Variants in PRKCA observed in about 807,000 individuals in gnomAD.
The protein encoded by PRKCA is protein kinase C alpha type.
In PRKCA, 27 loss-of-function variants were observed where a neutral mutation model predicts 87.0. The observed-to-expected ratio is 0.31, with a 90% CI of 0.23 to 0.43. The LOEUF (loss-of-function observed/expected upper bound fraction) is 0.43, where lower values mean the gene tolerates loss of function less well. Among genes scored for constraint, PRKCA ranks in the 20% least tolerant of loss-of-function variants. The pLI, the probability that PRKCA is intolerant of heterozygous loss-of-function variation, is 1.00. For synonymous variants in PRKCA, 329 were observed against 311.1 expected (o/e 1.06, Z -0.61); for missense variants, 518 against 852.3 (o/e 0.61, Z 4.88).
chr17:66,491,809 G>C (rs1916257725), intron 2 of PRKCA, among the ~76,000 whole-genome samples: 1 of 152,204 alleles, frequency 6.6e-6, no homozygotes, highest in African/African-American at 2.4e-5. Flanking sequence ...AATTTAGTTT[G>C]GAACTTGGAC....
chr17:66,515,009 A>C (rs1966919049), intron 3 of PRKCA, among the ~76,000 whole-genome samples: 1 of 152,114 alleles, frequency 6.6e-6, no homozygotes, highest in Non-Finnish European at 1.5e-5. Context: ...TAATCCCAGC[A>C]CTTTGGGAGG....
chr17:66,586,141 T>G (rs1969589590), intron 3 of PRKCA, among the ~76,000 whole-genome samples: 1 of 152,180 alleles, frequency 6.6e-6, no homozygotes, highest in African/African-American at 2.4e-5. Flanking sequence ...GTTGCTATGG[T>G]TGCCATTGCT....
chr17:66,641,676 A>G (rs1317775810), intron 4 of PRKCA, among the ~76,000 whole-genome samples: 1 of 151,978 alleles, frequency 6.6e-6, no homozygotes, highest in Non-Finnish European at 1.5e-5. Flanking sequence ...TGAACCCCCA[A>G]AAAGCACTCG....
chr17:66,773,590 G>A (rs1484570358), intron 13 of PRKCA, among the ~76,000 whole-genome samples: 2 of 149,904 alleles, frequency 1.3e-5, no homozygotes, highest in Non-Finnish European at 3.0e-5. Flanking sequence ...CTGGACTCAA[G>A]CAATCTTCCT....
Position 66,700,057 on chromosome 17 carries a change from C to T in PRKCA, c.918+11010C>T, listed in dbSNP as rs553218597. Among the ~76,000 whole-genome samples the T allele has an allele frequency of 3.3e-5, 5 of 152,334 alleles. No homozygotes were observed. The South Asian group carries it at 1.0e-3, about 32-fold the overall frequency. ...CAATGAACAGAGATGCAAAAATTCTCAACAAAATACTATCAAACCAAATTC... is the reference window on the plus strand; with the variant it reads ...CAATGAACAGAGATGCAAAAATTCTTAACAAAATACTATCAAACCAAATTC... On this transcript the variant is annotated intron_variant, in intron 8 of 16. Coordinates refer to ENST00000413366, the MANE Select transcript of PRKCA (RefSeq NM_002737.3).
At chr17:66,775,026 T>C in intron 14 of PRKCA, 2 of 985,444 alleles carry the variant, frequency 2.0e-6, no homozygotes, top group South Asian at 9.4e-5. Context: ...CTGCCACTTC[T>C]AGGCCTGGCC....
At chr17:66,396,983 T>G (rs1474409343) in intron 2 of PRKCA, among the ~76,000 whole-genome samples, 1 of 135,236 alleles carries the variant, frequency 7.4e-6, no homozygotes, top group Non-Finnish European at 1.6e-5. Context: ...TTTTTTTTTT[T>G]GAGACAGAGT....
At chr17:66,437,429 G>A (rs1913456112) in intron 2 of PRKCA, among the ~76,000 whole-genome samples, 1 of 152,098 alleles carries the variant, frequency 6.6e-6, no homozygotes, top group Non-Finnish European at 1.5e-5. Flanking sequence ...TATTCATACT[G>A]CTTCTAAGCA....
chr17:66,490,494 C>T (rs1002978967), intron 2 of PRKCA, among the ~76,000 whole-genome samples: 3 of 152,078 alleles, frequency 2.0e-5, no homozygotes, highest in Non-Finnish European at 4.4e-5. Flanking sequence ...CAGGTGCCCA[C>T]CACCATGCCC....
Position 66,687,180 on chromosome 17 carries a change from TTATTCC to T in PRKCA, c.601_606del (p.Ile201_Pro202del). 1 of 1,614,082 alleles carries T rather than the reference TTATTCC, an allele frequency of 6.2e-7. No homozygotes were observed. The highest frequency in any genetic ancestry group is 8.5e-7 in the Non-Finnish European group (1 of 1,179,938). ...TCAGATCCTTATGTGAAGCTGAAAC[TTATTCC>T]TGATCCCAAGAATGAAAGCAAGCAA... On this transcript the variant is annotated inframe_deletion, in exon 6 of 17. Transcript: ENST00000413366.
intron 3 of PRKCA, among the ~76,000 whole-genome samples, chr17:66,624,956 T>C (rs1043478011): frequency 6.6e-6 from 1 of 152,198 alleles, no homozygotes; most frequent in Non-Finnish European, 1.5e-5. Context: ...GGTTACTATA[T>C]TGAAGAGTGT....
At chr17:66,489,351 G>A (rs1195638718) in intron 2 of PRKCA, among the ~76,000 whole-genome samples, 1 of 89,184 alleles carries the variant, frequency 1.1e-5, no homozygotes, top group Admixed American at 1.2e-4. Context: ...CCTTAGCAGT[G>A]CATATATATA....
rs904654023 is a variant in PRKCA at position 66,303,104 on chromosome 17, C to G, written c.173+80C>G. ...CACCCGGCGCTCCGGCGCGTCCGCC[C>G]CGGGGCTGGCTCACTCCGATAACTT... On this transcript the variant is annotated intron_variant, in intron 1 of 16. Coordinates refer to ENST00000413366, the MANE Select transcript of PRKCA (RefSeq NM_002737.3). The G allele has an allele frequency of 4.5e-6, 7 of 1,543,290 alleles. No homozygotes were observed. The Admixed American group carries it at 7.6e-5, about 17-fold the overall frequency.
chr17:66,495,910 A>G (rs866921559), intron 2 of PRKCA, among the ~76,000 whole-genome samples: 1 of 152,060 alleles, frequency 6.6e-6, no homozygotes, highest in Non-Finnish European at 1.5e-5. Flanking sequence ...CCCGGTTTCT[A>G]CTTTGGGAAA....
chr17:66,523,269 A>T (rs1011329713), intron 3 of PRKCA, among the ~76,000 whole-genome samples: 3 of 152,202 alleles, frequency 2.0e-5, no homozygotes, highest in African/African-American at 7.2e-5. Context: ...TCCAAAATGC[A>T]TTCCCCCAGT....
chr17:66,725,406 T>G (rs1040546459), intron 8 of PRKCA, among the ~76,000 whole-genome samples: 2 of 152,158 alleles, frequency 1.3e-5, no homozygotes, highest in Non-Finnish European at 2.9e-5. Flanking sequence ...ACTCTGAGTT[T>G]TGAATGCATG....
intron 2 of PRKCA, among the ~76,000 whole-genome samples, chr17:66,461,205 C>CAAAAAA (rs34496253): frequency 5.8e-4 from 54 of 92,760 alleles, no homozygotes; most frequent in East Asian, 7.0e-4. Context: ...GACCCCATCT[C>CAAAAAA]AAAAAAAAAA....
chr17:66,622,147 C>T (rs984021606), intron 3 of PRKCA, among the ~76,000 whole-genome samples: 1 of 152,166 alleles, frequency 6.6e-6, no homozygotes, highest in Non-Finnish European at 1.5e-5. Context: ...TGTAATCGTA[C>T]CACTGCACTT....
intron 2 of PRKCA, chr17:66,339,976 G>T (rs1264614126): frequency 6.6e-6 from 1 of 152,174 alleles, no homozygotes; most frequent in Admixed American, 6.5e-5. Context: ...AGGTGAAAGT[G>T]AAAGGTCTAC....
Sources: allele counts gnomAD v4.1 joint callset (sites outside exome capture counted in the v4.1 genomes callset), GRCh38; gene constraint gnomAD v4.1.1; transcripts MANE v1.5; gene names NCBI Gene and HGNC (gene_info 2026-07-23, HGNC 2026-07-21).